The following FBXL7 variants were observed in gnomAD, a reference collection of about 807,000 sequenced individuals.
FBXL7 encodes the protein F-box/LRR-repeat protein 7.
Under a neutral mutation model 38.3 loss-of-function variants are expected in FBXL7, and 12 were observed. The observed-to-expected ratio is 0.31, with a 90% confidence interval of 0.20 to 0.51. The LOEUF (loss-of-function observed/expected upper bound fraction) is 0.51, where lower values mean the gene tolerates loss of function less well. Ranked by LOEUF, FBXL7 falls within the 20% of genes least tolerant of loss-of-function variation. The probability of loss-of-function intolerance (pLI) is 0.98; values close to 1 mark genes in which losing one functional copy is unlikely to be tolerated. For synonymous variants in FBXL7, 297 were observed against 300.9 expected (o/e 0.99, Z 0.13); for missense variants, 567 against 676.4 (o/e 0.84, Z 1.79).
chr5:15,577,256 T>A (rs1447241650), intron 1 of FBXL7, among the ~76,000 whole-genome samples: 1 of 151,986 alleles, frequency 6.6e-6, no homozygotes, highest in Non-Finnish European at 1.5e-5. Context: ...GTCATCCACG[T>A]CCTCGTGGCG....
intron 1 of FBXL7, among the ~76,000 whole-genome samples, chr5:15,546,264 T>C (rs1034465390): frequency 1.3e-5 from 2 of 151,790 alleles, no homozygotes; most frequent in Non-Finnish European, 2.9e-5. Context: ...ACCCCATTTC[T>C]GCTGGAAATA....
At chr5:15,689,696 G>T (rs1448013089) in intron 2 of FBXL7, among the ~76,000 whole-genome samples, 1 of 152,206 alleles carries the variant, frequency 6.6e-6, no homozygotes, top group African/African-American at 2.4e-5. Flanking sequence ...TGAACTTGTA[G>T]AAGTAGTAGT....
chr5:15,668,053 A>G (rs554337015), intron 2 of FBXL7, among the ~76,000 whole-genome samples: 17 of 152,304 alleles, frequency 1.1e-4, no homozygotes, highest in Admixed American at 9.8e-4. Context: ...CTCTGCCACC[A>G]TAACTACTAC....
chr5:15,830,069 C>T (rs1015345342), intron 2 of FBXL7, among the ~76,000 whole-genome samples: 1 of 152,212 alleles, frequency 6.6e-6, no homozygotes, highest in Admixed American at 6.5e-5. Flanking sequence ...AAACTCTCCC[C>T]AGCAAAGCTG....
chr5:15,741,743 C>T (rs936381817), intron 2 of FBXL7, among the ~76,000 whole-genome samples: 1 of 152,080 alleles, frequency 6.6e-6, no homozygotes, highest in Admixed American at 6.5e-5. Flanking sequence ...GAAAATGAAA[C>T]TATTCTTAGG....
At chr5:15,704,349 A>G (rs1743617471) in intron 2 of FBXL7, among the ~76,000 whole-genome samples, 1 of 152,194 alleles carries the variant, frequency 6.6e-6, no homozygotes, top group Admixed American at 6.5e-5. Flanking sequence ...CTATAATTCA[A>G]TGGTAGAACT....
intron 1 of FBXL7, among the ~76,000 whole-genome samples, chr5:15,571,633 A>AAC (rs1738785122): frequency 1.3e-5 from 2 of 152,114 alleles, no homozygotes; most frequent in Non-Finnish European, 2.9e-5. Context: ...GTAGCCTGGC[A>AAC]TTGTTAAGCA....
intron 2 of FBXL7, among the ~76,000 whole-genome samples, chr5:15,770,406 C>T (rs1041934675): frequency 1.3e-5 from 2 of 152,172 alleles, no homozygotes; most frequent in African/African-American, 4.8e-5. Flanking sequence ...ATAAAAGGAA[C>T]AAATGCATCT....
intron 2 of FBXL7, among the ~76,000 whole-genome samples, chr5:15,639,310 CT>C (rs769175198): frequency 2.0e-5 from 3 of 152,172 alleles, no homozygotes; most frequent in Non-Finnish European, 4.4e-5. Context: ...CAAATCTCAT[CT>C]TGTAGCTCCC....
intron 2 of FBXL7, among the ~76,000 whole-genome samples, chr5:15,884,275 CT>C (rs1173784871): frequency 4.7e-5 from 5 of 106,612 alleles, no homozygotes; most frequent in African/African-American, 1.8e-4. Flanking sequence ...TTTCTTTCTT[CT>C]TTTTTTTTGA....
At chr5:15,819,809 A>T (rs1282960314) in intron 2 of FBXL7, among the ~76,000 whole-genome samples, 1 of 152,194 alleles carries the variant, frequency 6.6e-6, no homozygotes, top group Non-Finnish European at 1.5e-5. Context: ...CTGAGTTCTA[A>T]TGCCGGAAAG....
chr5:15,882,141 C>G lies in FBXL7; in HGVS notation c.128-45749C>G, dbSNP rs986892161. Among the ~76,000 whole-genome samples, 13 of 152,126 alleles carry G rather than the reference C, an allele frequency of 8.5e-5. 1 individual carries two copies. The highest frequency in any genetic ancestry group is 1.6e-4 in the Non-Finnish European group (11 of 68,026). ...CTAAACCATTCATGAGAAATCTGCC[C>G]CCATGATCCAATCACCTCCAACCAG... On this transcript the variant is annotated intron_variant, in intron 2 of 3. Coordinates refer to ENST00000504595, the MANE Select transcript of FBXL7 (RefSeq NM_012304.5).
At chr5:15,596,645 CTTTA>C (rs1206216843) in intron 1 of FBXL7, among the ~76,000 whole-genome samples, 1 of 152,232 alleles carries the variant, frequency 6.6e-6, no homozygotes, top group African/African-American at 2.4e-5. Context: ...AAAAGACTGA[CTTTA>C]TTTCCCCTAC....
chr5:15,744,608 T>G (rs1735969127), intron 2 of FBXL7, among the ~76,000 whole-genome samples: 1 of 152,226 alleles, frequency 6.6e-6, no homozygotes, highest in African/African-American at 2.4e-5. Context: ...CAAATGGTTC[T>G]AAGCTCTGCC....
At chr5:15,729,264 T>C (rs1397441100) in intron 2 of FBXL7, among the ~76,000 whole-genome samples, 1 of 152,168 alleles carries the variant, frequency 6.6e-6, no homozygotes, top group Non-Finnish European at 1.5e-5. Flanking sequence ...TCTGAAAGTT[T>C]ATTTTGCAGT....
At chr5:15,718,582 C>T (rs79738515) in intron 2 of FBXL7, among the ~76,000 whole-genome samples, 23 of 152,260 alleles carry the variant, frequency 1.5e-4, no homozygotes, top group African/African-American at 4.8e-4. Context: ...ATGCAGGCAT[C>T]GTGATAATCA....
intron 1 of FBXL7, among the ~76,000 whole-genome samples, chr5:15,505,609 A>C (rs749921807): frequency 1.3e-5 from 2 of 152,200 alleles, no homozygotes; most frequent in Non-Finnish European, 2.9e-5. Context: ...GTGGTACACT[A>C]TAAGGGGCTA....
At chr5:15,693,357 G>A (rs367964627) in intron 2 of FBXL7, among the ~76,000 whole-genome samples, 1 of 152,136 alleles carries the variant, frequency 6.6e-6, no homozygotes, top group African/African-American at 2.4e-5. Flanking sequence ...GCTCCCCCGG[G>A]TGCCTGGGAG....
At position 15,522,560 on chromosome 5, in the gene FBXL7, C is replaced by G. The variant is rs558848453; in HGVS notation, c.37+21847C>G. Among the ~76,000 whole-genome samples the G allele has an allele frequency of 6.6e-5, 10 of 152,262 alleles. No homozygotes were observed. In the South Asian group the frequency reaches 2.1e-3, roughly 32 times the overall value. On this transcript the variant is annotated intron_variant, in intron 1 of 3. Transcript: ENST00000504595. ...ACTGTTCAGAAAATATTCCAGACAT[C>G]CCTGACTTAGGTTTTACTGCCCCAG...
Sources: gnomAD v4.1 joint callset for allele counts (sites outside exome capture counted in the v4.1 genomes callset) on GRCh38, gnomAD v4.1.1 for gene constraint, MANE v1.5 for transcripts, NCBI Gene and HGNC (gene_info 2026-07-23, HGNC 2026-07-21) for gene names.